GFOD1: variants seen among roughly 807,000 people sequenced by gnomAD.
The protein encoded by GFOD1 is Gfo/Idh/MocA-like oxidoreductase domain containing 1.
In GFOD1, 9 loss-of-function variants were observed where a neutral mutation model predicts 25.4. That is an observed-to-expected ratio of 0.35 (90% CI 0.21 to 0.62). GFOD1 has a LOEUF of 0.62. Among genes scored for constraint, GFOD1 ranks in the 20% least tolerant of loss-of-function variants. GFOD1 has a pLI of 0.72. For missense variants in GFOD1, 403 were observed against 556.9 expected (o/e 0.72, Z 2.78); for synonymous variants, 253 against 245.6 (o/e 1.03, Z -0.28).
At chr6:13,378,293 C>A (rs1302782996) in intron 1 of GFOD1, among the ~76,000 whole-genome samples, 2 of 152,218 alleles carry the variant, frequency 1.3e-5, no homozygotes, top group East Asian at 1.9e-4. Context: ...AACGACTGAG[C>A]CTCAGAACTA....
intron 1 of GFOD1, among the ~76,000 whole-genome samples, chr6:13,416,912 G>A (rs960034821): frequency 1.3e-5 from 2 of 152,166 alleles, no homozygotes; most frequent in South Asian, 2.1e-4. Context: ...AAAAGAAAGT[G>A]GTCAGGCTTT....
intron 1 of GFOD1, among the ~76,000 whole-genome samples, chr6:13,405,924 A>G (rs1429483156): frequency 1.3e-5 from 2 of 152,186 alleles, no homozygotes; most frequent in African/African-American, 4.8e-5. Flanking sequence ...TCAACTCATC[A>G]GTGGCTTGAA....
chr6:13,424,374 G>T (rs1427769925), intron 1 of GFOD1, among the ~76,000 whole-genome samples: 1 of 152,138 alleles, frequency 6.6e-6, no homozygotes, highest in Non-Finnish European at 1.5e-5. Context: ...GGTGACCACG[G>T]TGATCACATC....
At chr6:13,426,234 C>G (rs1015886115) in intron 1 of GFOD1, among the ~76,000 whole-genome samples, 2 of 152,366 alleles carry the variant, frequency 1.3e-5, no homozygotes, top group East Asian at 3.9e-4. Context: ...GGAGGGAGTT[C>G]TGGGCCAAGA....
chr6:13,478,873 C>G (rs1196462256), intron 1 of GFOD1, among the ~76,000 whole-genome samples: 1 of 152,084 alleles, frequency 6.6e-6, no homozygotes, highest in Non-Finnish European at 1.5e-5. Context: ...CTGCTGCAGC[C>G]CTGTTCCTGC....
At chr6:13,476,185 C>T (rs780251358) in intron 1 of GFOD1, among the ~76,000 whole-genome samples, 1 of 152,120 alleles carries the variant, frequency 6.6e-6, no homozygotes, top group African/African-American at 2.4e-5. Context: ...ACACTGGAAA[C>T]AATACAAACA....
At chr6:13,371,110 T>C (rs1447930342) in intron 1 of GFOD1, among the ~76,000 whole-genome samples, 1 of 152,242 alleles carries the variant, frequency 6.6e-6, no homozygotes, top group East Asian at 1.9e-4. Flanking sequence ...TCTAAGCACG[T>C]GGCTATGACA....
intron 1 of GFOD1, among the ~76,000 whole-genome samples, chr6:13,389,973 C>A (rs9474092): frequency 3.9e-5 from 6 of 151,974 alleles, no homozygotes; most frequent in East Asian, 3.8e-4. Flanking sequence ...ACAAGTTCAG[C>A]CCCCCGTGCA....
intron 1 of GFOD1, among the ~76,000 whole-genome samples, chr6:13,408,976 T>C (rs892194128): frequency 2.0e-5 from 3 of 151,496 alleles, no homozygotes; most frequent in Non-Finnish European, 4.4e-5. Context: ...TCCCAAGTAC[T>C]TGCAAGGCTG....
intron 1 of GFOD1, among the ~76,000 whole-genome samples, chr6:13,429,797 A>G (rs1024300354): frequency 1.3e-5 from 2 of 152,224 alleles, no homozygotes; most frequent in East Asian, 3.8e-4. Context: ...TAAGTTTTAT[A>G]TATTCATATG....
intron 1 of GFOD1, among the ~76,000 whole-genome samples, chr6:13,417,334 T>A (rs1468801671): frequency 6.6e-6 from 1 of 152,166 alleles, no homozygotes; most frequent in Admixed American, 6.6e-5. Flanking sequence ...TTTGTATTTT[T>A]AGTAGAGATG....
intron 1 of GFOD1, among the ~76,000 whole-genome samples, chr6:13,421,227 C>A (rs1290084062): frequency 6.6e-6 from 1 of 152,170 alleles, no homozygotes; most frequent in African/African-American, 2.4e-5. Context: ...TTCGCTCATG[C>A]TTGTAATCCC....
intron 1 of GFOD1, among the ~76,000 whole-genome samples, chr6:13,387,802 T>C (rs1214078745): frequency 6.6e-6 from 1 of 152,170 alleles, no homozygotes; most frequent in Admixed American, 6.5e-5. Flanking sequence ...AAGGATATTC[T>C]ATTAGGAAAA....
intron 1 of GFOD1, among the ~76,000 whole-genome samples, chr6:13,451,170 C>T (rs1362609610): frequency 6.6e-6 from 1 of 152,134 alleles, no homozygotes; most frequent in Non-Finnish European, 1.5e-5. Flanking sequence ...TGGTTCATTC[C>T]CCTTGGAATA....
intron 1 of GFOD1, among the ~76,000 whole-genome samples, chr6:13,431,047 C>CT (rs1469423401): frequency 6.6e-6 from 1 of 152,228 alleles, no homozygotes; most frequent in African/African-American, 2.4e-5. Context: ...GCTAATAAGT[C>CT]TGGGTTTGGG....
At chr6:13,369,243 C>G (rs76260017) in intron 1 of GFOD1, among the ~76,000 whole-genome samples, 49 of 152,354 alleles carry the variant, frequency 3.2e-4, no homozygotes, top group African/African-American at 1.2e-3. Flanking sequence ...TCATGCTTTA[C>G]AGATGGGTCT....
At chr6:13,374,265 TTTTTTTTTTG>T (rs1447651716) in intron 1 of GFOD1, among the ~76,000 whole-genome samples, 3 of 116,492 alleles carry the variant, frequency 2.6e-5, no homozygotes, top group East Asian at 7.2e-4. Context: ...TAAAAATATG[TTTTTTTTTTG>T]TGTGTGTGTG....
At chr6:13,471,650 T>C (rs188757205) in intron 1 of GFOD1, among the ~76,000 whole-genome samples, 8 of 152,290 alleles carry the variant, frequency 5.3e-5, no homozygotes, top group African/African-American at 1.7e-4. Context: ...GAGACACCCA[T>C]AGCCCAAGGT....
intron 1 of GFOD1, among the ~76,000 whole-genome samples, chr6:13,433,396 G>C (rs1757783266): frequency 6.6e-6 from 1 of 152,200 alleles, no homozygotes; most frequent in Non-Finnish European, 1.5e-5. Flanking sequence ...TGGGATTACA[G>C]GCGTGAGCCA....
Sources: gnomAD v4.1 joint callset for allele counts (sites outside exome capture counted in the v4.1 genomes callset) on GRCh38, gnomAD v4.1.1 for gene constraint, MANE v1.5 for transcripts, NCBI Gene and HGNC (gene_info 2026-07-23, HGNC 2026-07-21) for gene names.